ABRAXAS1: variants seen among roughly 807,000 people sequenced by gnomAD.
ABRAXAS1 encodes BRCA1-A complex subunit Abraxas 1.
In ABRAXAS1, 26 loss-of-function variants were observed where a neutral mutation model predicts 38.4. The observed-to-expected ratio is 0.68, with a 90% CI of 0.50 to 0.94. ABRAXAS1 has a LOEUF of 0.94. Ranked by LOEUF, ABRAXAS1 falls within the 40% of genes least tolerant of loss-of-function variation. The pLI is 0.00. For synonymous variants in ABRAXAS1, 144 were observed against 165.5 expected, an observed-to-expected ratio of 0.87 and a Z score of 1.00; for missense variants, 438 against 481.9, an observed-to-expected ratio of 0.91 and a Z score of 0.85.
chr4:83,465,961 G>A (rs1377935340), intron 7 of ABRAXAS1, among the ~76,000 whole-genome samples: 2 of 151,046 alleles, frequency 1.3e-5, no homozygotes, highest in South Asian at 4.2e-4. Context: ...ATCTCCAACT[G>A]GGGGAAGCAT....
At position 83,462,562 on chromosome 4, in the gene ABRAXAS1, T is replaced by G. The variant is rs1722160124; in HGVS notation, c.1137A>C (p.Gln379His). The part of the protein sequence containing the change: ...RSKADTGSSN[Q>H]DKASKMSSPE... ...GGCTGCTCATTTTGGATGCTTTATC[T>G]TGGTTACTACTACCAGTATCTGCTT... is the stretch of plus-strand genomic sequence containing the variant. Residue 379 changes from glutamine to histidine, a missense_variant, in exon 9 of 9, where the codon CAA (glutamine) becomes CAC (histidine). Gln to His is a conservative substitution (Grantham distance 24). Around this residue, in one of 3 missense-constraint regions of ABRAXAS1, gnomAD observed 184 missense variants for 181.9 expected, o/e 1.01. Coordinates refer to ENST00000321945, the MANE Select transcript of ABRAXAS1 (RefSeq NM_139076.3). 1.2e-6 allele frequency: 2 copies of G among 1,614,174 alleles called. No homozygotes were observed. Among genetic ancestry groups the G allele is most frequent in the African/African-American group, 2.7e-5 (2 of 75,054 alleles).
At chr4:83,465,765 GT>G (rs1560572430) in intron 7 of ABRAXAS1, among the ~76,000 whole-genome samples, 1 of 152,290 alleles carries the variant, frequency 6.6e-6, no homozygotes, top group South Asian at 2.1e-4. Flanking sequence ...TCCAGCCTGG[GT>G]AACAGAGCAA....
chr4:83,470,102 T>TG (rs2110039518), intron 5 of ABRAXAS1, 101 bp downstream of exon 5: 2 of 795,244 alleles, frequency 2.5e-6, no homozygotes, highest in East Asian at 5.7e-5. Context: ...GACAATCTGA[T>TG]GCGACAATAT....
Position 83,461,255 on chromosome 4 carries a change from A to G in ABRAXAS1, c.*1214T>C, listed in dbSNP as rs1216029537. 2.0e-6 allele frequency: 3 copies of G among 1,503,732 alleles called. No homozygotes were observed. The highest frequency in any genetic ancestry group is 2.3e-5 in the South Asian group (2 of 88,088). 93.1% of individuals were successfully genotyped at this position (1,503,732 alleles called of 1,614,324 possible). On this transcript the variant is annotated 3_prime_UTR_variant, in exon 9 of 9. Coordinates refer to ENST00000321945, the MANE Select transcript of ABRAXAS1 (RefSeq NM_139076.3). ...TACAGTAAGTGGTTGTATGATGCCA[A>G]TACTGACTCAAACCAACCTTTGGAT...
intron 6 of ABRAXAS1, among the ~76,000 whole-genome samples, chr4:83,468,514 TTATA>T (rs1282111818): frequency 6.6e-6 from 1 of 152,070 alleles, no homozygotes; most frequent in Non-Finnish European, 1.5e-5. Context: ...ACAAAGAAAG[TTATA>T]TATAAGCAGC....
At chr4:83,476,809 C>T in intron 2 of ABRAXAS1, 130 bp from the exon 3 acceptor site, 1 of 597,546 alleles carries the variant, frequency 1.7e-6, no homozygotes. Context: ...ATCCTCACAA[C>T]AAATCTGCGA....
intron 1 of ABRAXAS1, among the ~76,000 whole-genome samples, chr4:83,483,441 G>C (rs953860520): frequency 1.3e-5 from 2 of 151,812 alleles, no homozygotes; most frequent in South Asian, 4.1e-4. Flanking sequence ...CCACCACGCC[G>C]GGCTAATTTT....
intron 2 of ABRAXAS1, among the ~76,000 whole-genome samples, chr4:83,481,774 G>C (rs1243600423): frequency 1.3e-5 from 2 of 151,940 alleles, no homozygotes; most frequent in Non-Finnish European, 2.9e-5. Flanking sequence ...TTTTGAGACA[G>C]AGTCTCGCTT....
intron 6 of ABRAXAS1, 95 bp from the exon 7 acceptor site, chr4:83,467,633 C>A: frequency 1.4e-6 from 1 of 694,282 alleles, no homozygotes; most frequent in South Asian, 1.7e-5. Flanking sequence ...ATAGAAGAGT[C>A]TTTTTACTGG....
chr4:83,463,467 GA>G (rs779972353), intron 8 of ABRAXAS1, 26 bp downstream of exon 8: 1 of 1,452,244 alleles, frequency 6.9e-7, no homozygotes, highest in South Asian at 1.2e-5. Flanking sequence ...TTTTAGCACA[GA>G]AAGTAGAGAT....
rs1322355339 is a variant in ABRAXAS1 at position 83,462,245 on chromosome 4, T to C, written c.*224A>G. 2.0e-6 allele frequency: 1 copy of C among 492,858 alleles called. No homozygotes were observed. Among genetic ancestry groups the C allele is most frequent in the African/African-American group, 1.9e-5 (1 of 51,480 alleles). The allele number at this position is 492,858 out of a possible 1,614,324, so 30.5% of individuals were successfully genotyped here. Reference sequence around the variant, plus strand: ...CTGTGTAAGCCTTCCCCTCAACAACTTAGTGAAAGGTGAAAAAAAGGTTTG... The same window carrying C: ...CTGTGTAAGCCTTCCCCTCAACAACCTAGTGAAAGGTGAAAAAAAGGTTTG... On this transcript the variant is annotated 3_prime_UTR_variant, in exon 9 of 9. Coordinates refer to ENST00000321945, the MANE Select transcript of ABRAXAS1 (RefSeq NM_139076.3).
In ABRAXAS1 at chr4:83,485,089, G is replaced by A; in HGVS notation, c.-17C>T. ...CCCCTCCATGCTACCGCCGCCTCAGGCTACACAAGAGGACGAGGGCGGGGC... is the reference window on the plus strand; with the variant it reads ...CCCCTCCATGCTACCGCCGCCTCAGACTACACAAGAGGACGAGGGCGGGGC... On this transcript the variant is annotated 5_prime_UTR_variant, in exon 1 of 9. Coordinates refer to ENST00000321945, the MANE Select transcript of ABRAXAS1 (RefSeq NM_139076.3). 2 of 1,570,962 alleles carry A rather than the reference G, an allele frequency of 1.3e-6. No homozygotes were observed. Among genetic ancestry groups the A allele is most frequent in the South Asian group, 2.3e-5 (2 of 86,866 alleles).
intron 6 of ABRAXAS1, among the ~76,000 whole-genome samples, chr4:83,468,025 G>A (rs375859342): frequency 5.3e-5 from 8 of 152,190 alleles, no homozygotes; most frequent in African/African-American, 1.4e-4. Flanking sequence ...GCATCTTGCC[G>A]GGCGCGGTGG....
chr4:83,463,822 G>T, intron 7 of ABRAXAS1: 1 of 329,580 alleles, frequency 3.0e-6, no homozygotes, highest in Non-Finnish European at 5.4e-6. Context: ...TTTTTCACAT[G>T]TAACTTCTCA....
intron 1 of ABRAXAS1, chr4:83,484,784 GA>G (rs911075886): frequency 1.2e-4 from 54 of 448,550 alleles, no homozygotes; most frequent in Non-Finnish European, 1.8e-4. Context: ...ATAGCAGAGG[GA>G]GGGCTAATGC....
chr4:83,480,410 A>G, intron 2 of ABRAXAS1: 1 of 371,470 alleles, frequency 2.7e-6, no homozygotes, highest in Non-Finnish European at 5.3e-6. Flanking sequence ...ATATATATAC[A>G]CACACACATT....
intron 3 of ABRAXAS1, among the ~76,000 whole-genome samples, chr4:83,474,359 G>C (rs190642187): frequency 1.3e-5 from 2 of 151,932 alleles, no homozygotes; most frequent in Non-Finnish European, 2.9e-5. Flanking sequence ...TTCAGGCTTT[G>C]ATGGCCACAT....
chr4:83,473,487 T>C (rs1399903838), intron 3 of ABRAXAS1, among the ~76,000 whole-genome samples: 1 of 152,112 alleles, frequency 6.6e-6, no homozygotes, highest in Non-Finnish European at 1.5e-5. Context: ...GTGAAGTTTC[T>C]GGGGAGAAGA....
At chr4:83,480,336 C>A (rs1722950592) in intron 2 of ABRAXAS1, 2 of 407,658 alleles carry the variant, frequency 4.9e-6, no homozygotes, top group Non-Finnish European at 9.6e-6. Flanking sequence ...CATGCCACTT[C>A]ACTCCAGTCT....
Sources: allele counts gnomAD v4.1 joint callset (sites outside exome capture counted in the v4.1 genomes callset), GRCh38; gene constraint gnomAD v4.1.1; regional missense constraint gnomAD v4.1.1; transcripts MANE v1.5; gene names NCBI Gene and HGNC (gene_info 2026-07-23, HGNC 2026-07-21).